AKAP7: variants seen among roughly 807,000 people sequenced by gnomAD.
AKAP7 encodes the protein A kinase (PRKA) anchor protein 7.
AKAP7 carries 39 observed loss-of-function variants against 39.5 expected under a neutral mutation model. The ratio of observed to expected loss-of-function variants is 0.99; its 90% CI spans 0.76 to 1.29. AKAP7 has a LOEUF of 1.29. Among genes scored for constraint, AKAP7 ranks in the 50% most tolerant of loss-of-function variants. The probability of loss-of-function intolerance (pLI) is 0.00; values close to 1 mark genes in which losing one functional copy is unlikely to be tolerated. For missense variants in AKAP7, 414 were observed against 407.7 expected (o/e 1.02, Z -0.13); for synonymous variants, 140 against 139.1 (o/e 1.01, Z -0.05).
chr6:131,250,636 T>C (rs955014265), intron 7 of AKAP7: 1 of 1,612,278 alleles, frequency 6.2e-7, no homozygotes, highest in Non-Finnish European at 8.5e-7. Context: ...ATTTGTACTG[T>C]GCAGAATCCT....
chr6:131,282,425 TTAATTAA>T lies in AKAP7; in HGVS notation c.*701_*707del, dbSNP rs777178872. The stretch of plus-strand genomic sequence containing the variant: ...CAAGAAACCTATTGGAATTCGAGAC[TTAATTAA>T]TGAAGCTTTGCATCGAGAAACGATG... On this transcript the variant is annotated 3_prime_UTR_variant, in exon 8 of 8. Coordinates refer to ENST00000431975, the MANE Select transcript of AKAP7 (RefSeq NM_016377.4). The T allele has an allele frequency of 1.2e-4, 176 of 1,516,806 alleles. 1 individual carries two copies. Among genetic ancestry groups the T allele is most frequent in the South Asian group, 1.6e-4 (13 of 79,666 alleles). The allele number at this position is 1,516,806 out of a possible 1,614,324, so 94.0% of individuals were successfully genotyped here.
intron 5 of AKAP7, among the ~76,000 whole-genome samples, chr6:131,178,642 C>A (rs1162568887): frequency 6.6e-6 from 1 of 152,190 alleles, no homozygotes; most frequent in African/African-American, 2.4e-5. Context: ...CCAGGCTTGG[C>A]CTCTTTCAAG....
At chr6:131,197,698 A>G (rs1258217295) in intron 5 of AKAP7, among the ~76,000 whole-genome samples, 1 of 151,970 alleles carries the variant, frequency 6.6e-6, no homozygotes, top group Non-Finnish European at 1.5e-5. Flanking sequence ...TGCAGTTTCC[A>G]TCTGTATATA....
chr6:131,266,297 C>A (rs1410644785), intron 7 of AKAP7, among the ~76,000 whole-genome samples: 1 of 152,202 alleles, frequency 6.6e-6, no homozygotes, highest in Non-Finnish European at 1.5e-5. Flanking sequence ...AGTACACATG[C>A]ACTTGTTCCC....
chr6:131,262,535 A>T (rs1320000517), intron 7 of AKAP7, among the ~76,000 whole-genome samples: 2 of 152,150 alleles, frequency 1.3e-5, no homozygotes, highest in Non-Finnish European at 2.9e-5. Context: ...TTTTAAAATG[A>T]TGTATTTTTC....
intron 6 of AKAP7, among the ~76,000 whole-genome samples, chr6:131,216,409 C>T (rs1289857772): frequency 1.3e-5 from 2 of 152,126 alleles, no homozygotes; most frequent in Non-Finnish European, 2.9e-5. Context: ...CATTACTTAT[C>T]AGATTGAGCC....
At position 131,169,154 on chromosome 6, in the gene AKAP7, A is replaced by T; in HGVS notation, c.470A>T (p.Glu157Val). 6.2e-7 allele frequency: 1 copy of T among 1,613,728 alleles called. No homozygotes were observed. The highest frequency in any genetic ancestry group is 8.5e-7 in the Non-Finnish European group (1 of 1,179,688). The stretch of plus-strand genomic sequence containing the variant: ...TTGGAATTGAAACCATTCATAGAAG[A>T]ACTCCTCCAGGGAAAACATTTGACT... ...ALLELKPFIEELLQGKHLTLP... is the reference protein window; with the variant it reads ...ALLELKPFIEVLLQGKHLTLP... The change falls in exon 5 of 8, where the codon GAA becomes GTA. Residue 157 changes from glutamate (E) to valine (V), a missense_variant. Physicochemically the swap from Glu to Val is moderately radical, Grantham distance 121 (BLOSUM62 -2). Coordinates refer to ENST00000431975, the MANE Select transcript of AKAP7 (RefSeq NM_016377.4).
intron 1 of AKAP7, among the ~76,000 whole-genome samples, chr6:131,140,210 C>G (rs1584927615): frequency 6.6e-6 from 1 of 152,080 alleles, no homozygotes; most frequent in East Asian, 1.9e-4. Context: ...AGAGGTTGGC[C>G]TAATCTCCAG....
At chr6:131,239,814 T>G (rs1207630636) in intron 7 of AKAP7, among the ~76,000 whole-genome samples, 1 of 152,218 alleles carries the variant, frequency 6.6e-6, no homozygotes, top group Non-Finnish European at 1.5e-5. Context: ...TCGTCTAATC[T>G]TTTTTCAAGG....
intron 6 of AKAP7, among the ~76,000 whole-genome samples, chr6:131,208,033 TA>T (rs1337595106): frequency 2.0e-5 from 3 of 152,202 alleles, no homozygotes; most frequent in Non-Finnish European, 4.4e-5. Flanking sequence ...CCAAGTACAT[TA>T]AACAGCAAAT....
chr6:131,166,827 A>C (rs570742371), intron 4 of AKAP7, among the ~76,000 whole-genome samples: 1 of 152,154 alleles, frequency 6.6e-6, no homozygotes, highest in Admixed American at 6.5e-5. Context: ...CCTATACTGT[A>C]TGTTAGACAT....
intron 6 of AKAP7, among the ~76,000 whole-genome samples, chr6:131,202,941 C>T (rs1011356558): frequency 3.3e-5 from 5 of 152,014 alleles, no homozygotes; most frequent in East Asian, 1.9e-4. Flanking sequence ...AGTCAGCCGG[C>T]GTACTGGTTG....
upstream of AKAP7, among the ~76,000 whole-genome samples, chr6:131,134,068 C>G (rs1222585923): frequency 6.6e-6 from 1 of 152,154 alleles, no homozygotes; most frequent in African/African-American, 2.4e-5. Flanking sequence ...ACCTCCTGGG[C>G]TCCAGCGATC....
chr6:131,191,230 C>T (rs994117187), intron 5 of AKAP7, among the ~76,000 whole-genome samples: 4 of 152,094 alleles, frequency 2.6e-5, no homozygotes, highest in African/African-American at 9.7e-5. Context: ...CTGTTTTTGA[C>T]CCATAAAAGT....
At chr6:131,136,852 T>G (rs1304013810) in intron 1 of AKAP7, 1 of 985,290 alleles carries the variant, frequency 1.0e-6, no homozygotes, top group East Asian at 1.1e-4. Context: ...TGTAAGATGC[T>G]AATACTATTT....
intron 5 of AKAP7, among the ~76,000 whole-genome samples, chr6:131,178,632 C>G (rs1431116068): frequency 1.3e-5 from 2 of 152,180 alleles, no homozygotes; most frequent in African/African-American, 4.8e-5. Context: ...GGAACCTCAC[C>G]CAGGCTTGGC....
Position 131,241,627 on chromosome 6 carries a change from G to GTATATATATATA in AKAP7, c.850+21830_850+21831insATATATATATAT, listed in dbSNP as rs60816569. ...TGTGTGTGTGTGTGTGTGTGTGTGT[G>GTATATATATATA]TATATATATATGACAGTTATAGGAT... On this transcript the variant is annotated intron_variant, in intron 7 of 7. Coordinates refer to ENST00000431975, the MANE Select transcript of AKAP7 (RefSeq NM_016377.4). Among the ~76,000 whole-genome samples the GTATATATATATA allele has an allele frequency of 1.1e-3, 92 of 86,670 alleles. 3 individuals are homozygous for GTATATATATATA. Among genetic ancestry groups the GTATATATATATA allele is most frequent in the Non-Finnish European group, 1.5e-3 (67 of 43,576 alleles). The allele number at this position is 86,670 out of a possible 152,430, so 56.9% of individuals were successfully genotyped here.
chr6:131,219,666 G>GA lies in AKAP7; in HGVS notation c.715dup (p.Ile239AsnfsTer4). On this transcript the variant is annotated frameshift_variant, in exon 7 of 8. Coordinates refer to ENST00000431975, the MANE Select transcript of AKAP7 (RefSeq NM_016377.4). LOFTEE classifies it high-confidence loss of function. ...ATTTGTTTTTTCATTTCAAGGGAGT[G>GA]AAAAAAATAGATCCTGATTTATATG... 2 of 1,590,720 alleles carry GA rather than the reference G, an allele frequency of 1.3e-6. No individual in the cohort carries two copies. Among genetic ancestry groups the GA allele is most frequent in the Non-Finnish European group, 1.7e-6 (2 of 1,170,132 alleles).
At chr6:131,159,260 A>T (rs1562871618) in intron 2 of AKAP7, among the ~76,000 whole-genome samples, 1 of 151,918 alleles carries the variant, frequency 6.6e-6, no homozygotes, top group African/African-American at 2.4e-5. Flanking sequence ...CACCCAGCTA[A>T]TTTTTTATAT....
Sources: gnomAD v4.1 joint callset for allele counts (sites outside exome capture counted in the v4.1 genomes callset) on GRCh38, gnomAD v4.1.1 for gene constraint, MANE v1.5 for transcripts, NCBI Gene and HGNC (gene_info 2026-07-23, HGNC 2026-07-21) for gene names.